DNAH9: variants seen among roughly 807,000 people sequenced by gnomAD.
The protein encoded by DNAH9 is dynein axonemal heavy chain 9, also known as DNAH9 variant protein.
A neutral mutation model predicts 471.6 loss-of-function variants in DNAH9; 345 were observed. The observed-to-expected ratio is 0.73, with a 90% CI of 0.67 to 0.80. The LOEUF (loss-of-function observed/expected upper bound fraction) is 0.80. DNAH9 is among the 30% of genes least tolerant of loss of function. The pLI is 0.00. For missense variants in DNAH9, 5,407 were observed against 5,609.2 expected (o/e 0.96, Z 1.15); for synonymous variants, 2,093 against 2,123.6 (o/e 0.99, Z 0.40).
chr17:11,707,349 T>C (rs1478124476), intron 26 of DNAH9, among the ~76,000 whole-genome samples: 2 of 152,224 alleles, frequency 1.3e-5, no homozygotes, highest in African/African-American at 4.8e-5. Flanking sequence ...ATATCACTTG[T>C]ATTTTAGTCA....
intron 11 of DNAH9, among the ~76,000 whole-genome samples, chr17:11,645,416 TCTC>T: frequency 6.6e-6 from 1 of 152,248 alleles, no homozygotes; most frequent in African/African-American, 2.4e-5. Flanking sequence ...GACTGGAACT[TCTC>T]CAGGCTGAAC....
intron 49 of DNAH9, among the ~76,000 whole-genome samples, chr17:11,849,647 T>C (rs1214179804): frequency 1.3e-5 from 2 of 152,252 alleles, no homozygotes; most frequent in Admixed American, 6.5e-5. Flanking sequence ...CAGTGAAATG[T>C]AGCTTCTTGA....
At chr17:11,812,010 AAAAAAAAAAAAAAAAAATATATATAT>A (rs1567819059) in intron 45 of DNAH9, among the ~76,000 whole-genome samples, 1 of 53,976 alleles carries the variant, frequency 1.9e-5, no homozygotes, top group Non-Finnish European at 3.4e-5. Flanking sequence ...AAAAAAAAAA[AAAAAAAAAAAAAAAAAATATATATAT>A]ATATATATAT....
intron 50 of DNAH9, among the ~76,000 whole-genome samples, chr17:11,867,398 C>T (rs972200364): frequency 2.6e-5 from 4 of 152,106 alleles, no homozygotes; most frequent in African/African-American, 9.7e-5. Context: ...TCCTCAAATT[C>T]TCCTTTTAAC....
intron 67 of DNAH9, among the ~76,000 whole-genome samples, chr17:11,961,491 A>G (rs978380401): frequency 1.3e-5 from 2 of 152,010 alleles, no homozygotes; most frequent in Admixed American, 6.5e-5. Context: ...TTGGGTTTCT[A>G]AGCTGCATGC....
intron 51 of DNAH9, among the ~76,000 whole-genome samples, chr17:11,871,336 C>G (rs2150985823): frequency 6.6e-6 from 1 of 152,330 alleles, no homozygotes; most frequent in East Asian, 1.9e-4. Flanking sequence ...TAAGTGGTAT[C>G]AGTCTCCACA....
intron 53 of DNAH9, among the ~76,000 whole-genome samples, chr17:11,879,813 G>A (rs780559174): frequency 3.9e-5 from 6 of 151,990 alleles, no homozygotes; most frequent in Non-Finnish European, 2.9e-5. Context: ...TCAAATATAC[G>A]TAGTATACAC....
intron 6 of DNAH9, among the ~76,000 whole-genome samples, chr17:11,625,317 T>C (rs942126122): frequency 6.6e-6 from 1 of 152,212 alleles, no homozygotes; most frequent in African/African-American, 2.4e-5. Flanking sequence ...GGTAATAAGC[T>C]GACCTAATAT....
chr17:11,900,230 T>C (rs934769642), intron 59 of DNAH9, among the ~76,000 whole-genome samples: 2 of 152,042 alleles, frequency 1.3e-5, no homozygotes, highest in Non-Finnish European at 2.9e-5. Flanking sequence ...ACACGACTTA[T>C]CTGCACCATT....
chr17:11,836,753 T>C (rs985480762), intron 49 of DNAH9, among the ~76,000 whole-genome samples: 2 of 152,242 alleles, frequency 1.3e-5, no homozygotes, highest in African/African-American at 4.8e-5. Flanking sequence ...GTTTCTGATT[T>C]CCAGAACACA....
In DNAH9 at chr17:11,652,899, GA is replaced by G. The variant is rs1430171224; in HGVS notation, c.2497del (p.Arg833GlyfsTer60). On this transcript the variant is annotated frameshift_variant, in exon 14 of 69. Transcript: ENST00000262442. LOFTEE classifies it high-confidence loss of function. ...WVTPIFKTKD[G>X]KRESLLSLDD... Reference sequence around the variant, plus strand: ...ACTCCAATATTTAAGACAAAAGATGGAAAAAGGGAATCCCTTCTTTCTCTGG... The same window carrying G: ...ACTCCAATATTTAAGACAAAAGATGGAAAAGGGAATCCCTTCTTTCTCTGG... The G allele has an allele frequency of 1.2e-6, 2 of 1,613,840 alleles. No individual in the cohort carries two copies. The highest frequency in any genetic ancestry group is 3.3e-5 in the Admixed American group (2 of 59,998).
intron 49 of DNAH9, among the ~76,000 whole-genome samples, chr17:11,852,876 A>C (rs1971480110): frequency 7.0e-6 from 1 of 143,140 alleles, no homozygotes; most frequent in Non-Finnish European, 1.5e-5. Flanking sequence ...GTGTGTATAT[A>C]TAAAAGAAAG....
intron 42 of DNAH9, among the ~76,000 whole-genome samples, chr17:11,794,913 G>C (rs1040935456): frequency 6.8e-6 from 1 of 147,342 alleles, no homozygotes; most frequent in East Asian, 2.0e-4. Flanking sequence ...ATCACACACA[G>C]GGGCCTGTTG....
At chr17:11,611,296 T>C (rs2072632113) in intron 3 of DNAH9, among the ~76,000 whole-genome samples, 1 of 152,186 alleles carries the variant, frequency 6.6e-6, no homozygotes, top group African/African-American at 2.4e-5. Context: ...TTCTGACCAT[T>C]CTGCTGACCT....
intron 52 of DNAH9, 82 bp from the exon 53 acceptor site, chr17:11,874,867 C>T: frequency 1.0e-6 from 1 of 980,806 alleles, no homozygotes; most frequent in Non-Finnish European, 1.6e-6. Flanking sequence ...GGAGTTGTGT[C>T]ATTTGGTGAG....
In DNAH9 at chr17:11,854,188, G is replaced by A; in HGVS notation, c.9693G>A (p.Glu3231=). 1.2e-6 allele frequency: 2 copies of A among 1,614,154 alleles called. No individual in the cohort carries two copies. Among genetic ancestry groups the A allele is most frequent in the African/African-American group, 1.3e-5 (1 of 75,038 alleles). The change falls in exon 50 of 69, where the codon GAG becomes GAA. Residue 3231 remains glutamate (E), a synonymous_variant. Coordinates refer to ENST00000262442, the MANE Select transcript of DNAH9 (RefSeq NM_001372.4). ...FLDSLINFNK[E]NIHENCLKAI... ...ACTCGCTAATAAACTTCAACAAAGA[G>A]AACATTCACGAGAACTGCCTCAAAG...
chr17:11,712,400 A>C (rs982559473), intron 26 of DNAH9, among the ~76,000 whole-genome samples: 1 of 151,112 alleles, frequency 6.6e-6, no homozygotes, highest in African/African-American at 2.5e-5. Context: ...GTTTGTGTAC[A>C]AGTCTTTGTG....
intron 50 of DNAH9, among the ~76,000 whole-genome samples, chr17:11,862,909 GGA>G (rs1276101202): frequency 6.6e-6 from 1 of 151,788 alleles, no homozygotes; most frequent in Non-Finnish European, 1.5e-5. Flanking sequence ...ATCAGCTTAA[GGA>G]GATTTTGGGC....
Position 11,693,883 on chromosome 17 carries a change from G to C in DNAH9, c.4630G>C (p.Glu1544Gln), listed in dbSNP as rs764365747. The C allele has an allele frequency of 2.5e-6, 4 of 1,613,992 alleles. No homozygotes were observed. The Middle Eastern group carries it at 4.9e-4, about 199-fold the overall frequency. The change falls in exon 21 of 69, where the codon GAA (glutamate) becomes CAA (glutamine). Residue 1544 changes from glutamate (E) to glutamine (Q), a missense_variant. Physicochemically the swap from Glu to Gln is conservative, Grantham distance 29. This residue lies in a region of DNAH9 where 4,636 missense variants were observed against 4,900.3 expected (regional missense o/e 0.95). Coordinates refer to ENST00000262442, the MANE Select transcript of DNAH9 (RefSeq NM_001372.4). Reference sequence around the variant, plus strand: ...TTATTTGCAGGATTCTAAAAGGTTTGAAGGCATCGACATTGACTTTAAAGA... The same window carrying C: ...TTATTTGCAGGATTCTAAAAGGTTTCAAGGCATCGACATTGACTTTAAAGA... ...AQLPQDSKRF[E>Q]GIDIDFKELA...
Sources: gnomAD v4.1 joint callset for allele counts (sites outside exome capture counted in the v4.1 genomes callset) on GRCh38, gnomAD v4.1.1 for gene constraint, gnomAD v4.1.1 regional missense constraint, MANE v1.5 for transcripts, NCBI Gene and HGNC (gene_info 2026-07-23, HGNC 2026-07-21) for gene names.